Variants in AFG2B observed in about 807,000 individuals in gnomAD.
AFG2B encodes AAA ATPase AFG2B, also known as ATPase family gene 2 protein homolog B.
chr15:45,402,387 G>A, the AFG2B span: 2 of 1,555,514 alleles, frequency 1.3e-6, no homozygotes, highest in Non-Finnish European at 1.7e-6. Flanking sequence ...GGGCCGGGTG[G>A]GTTTCCTAAT....
At chr15:45,403,039 G>C in the AFG2B span, 1 of 1,569,320 alleles carries the variant, frequency 6.4e-7, no homozygotes, top group African/African-American at 1.4e-5. Flanking sequence ...GCCCCTGGGA[G>C]GTCTTTCGGA....
At chr15:45,410,766 TA>T in the AFG2B span, among the ~76,000 whole-genome samples, 1 of 152,310 alleles carries the variant, frequency 6.6e-6, no homozygotes, top group Non-Finnish European at 1.5e-5. Flanking sequence ...AAAGAGTTTA[TA>T]ACCTAAGGCT....
At chr15:45,410,207 G>C in the AFG2B span, among the ~76,000 whole-genome samples, 1 of 152,196 alleles carries the variant, frequency 6.6e-6, no homozygotes, top group South Asian at 2.1e-4. Flanking sequence ...GCAGGAATTG[G>C]CAGGGAGACA....
the AFG2B span, chr15:45,410,425 T>TA: frequency 1.9e-6 from 3 of 1,613,850 alleles, no homozygotes; most frequent in African/African-American, 2.7e-5. Context: ...CTTTTAAAAA[T>TA]ATTCAGCCCT....
chr15:45,412,215 A>G, the AFG2B span, among the ~76,000 whole-genome samples: 1 of 151,560 alleles, frequency 6.6e-6, no homozygotes, highest in East Asian at 1.9e-4. Flanking sequence ...AGCCTGGCCA[A>G]CATGGTGAAA....
chr15:45,410,887 C>T, the AFG2B span, among the ~76,000 whole-genome samples: 19 of 151,626 alleles, frequency 1.3e-4, no homozygotes, highest in Admixed American at 1.2e-3. Flanking sequence ...AAGCCCTTGT[C>T]GCTATTTAAA....
chr15:45,402,631 G>T, the AFG2B span: 1 of 1,577,924 alleles, frequency 6.3e-7, no homozygotes. Context: ...GCGGGACGGA[G>T]CGGACGGCTT....
the AFG2B span, among the ~76,000 whole-genome samples, chr15:45,411,137 G>A: frequency 6.6e-6 from 1 of 152,156 alleles, no homozygotes; most frequent in Admixed American, 6.5e-5. Flanking sequence ...GGGAGGCAGA[G>A]GTTGCAGTGA....
At chr15:45,406,161 A>C in the AFG2B span, among the ~76,000 whole-genome samples, 5 of 152,318 alleles carry the variant, frequency 3.3e-5, no homozygotes, top group Middle Eastern at 3.4e-3. Context: ...GCTTTCTTCT[A>C]TGAAAACATA....
chr15:45,403,103 C>T, the AFG2B span: 89 of 1,520,100 alleles, frequency 5.9e-5, no homozygotes, highest in African/African-American at 1.2e-3. Context: ...TACCCGCGCG[C>T]CCTGACCGCG....
chr15:45,403,296 C>T, the AFG2B span: 1 of 1,590,850 alleles, frequency 6.3e-7, no homozygotes, highest in Non-Finnish European at 8.5e-7. Flanking sequence ...TCCAGCGCGC[C>T]CGGGAACTGG....
the AFG2B span, chr15:45,416,725 T>C: frequency 6.6e-6 from 1 of 152,292 alleles, no homozygotes; most frequent in Non-Finnish European, 1.5e-5. Flanking sequence ...CAACAAATGA[T>C]TTTGAATGCT....
chr15:45,414,541 A>G, the AFG2B span: 477,175 of 1,596,612 alleles, frequency 0.3, 82,659 homozygotes, highest in East Asian at 0.84. Flanking sequence ...ATTATACTAA[A>G]ACAACTCTTC....
At chr15:45,410,541 TA>T in the AFG2B span, 1 of 1,593,750 alleles carries the variant, frequency 6.3e-7, no homozygotes, top group Non-Finnish European at 8.6e-7. Context: ...GTAAGACAGA[TA>T]ATCTACTTAA....
At chr15:45,402,536 T>G in the AFG2B span, 1 of 1,597,474 alleles carries the variant, frequency 6.3e-7, no homozygotes, top group South Asian at 1.1e-5. Context: ...CCGGCCGCCC[T>G]CCACGCCCTG....
the AFG2B span, chr15:45,403,202 C>T: frequency 6.8e-7 from 1 of 1,471,724 alleles, no homozygotes; most frequent in Non-Finnish European, 8.9e-7. Flanking sequence ...GCGCGCGAGG[C>T]GGGCGCGGAG....
At chr15:45,415,184 T>C in the AFG2B span, among the ~76,000 whole-genome samples, 1 of 152,172 alleles carries the variant, frequency 6.6e-6, no homozygotes, top group Non-Finnish European at 1.5e-5. Flanking sequence ...TCAGAATCTT[T>C]TTTATATCTA....
chr15:45,405,293 CT>C, the AFG2B span: 9 of 1,575,798 alleles, frequency 5.7e-6, no homozygotes, highest in South Asian at 1.1e-5. Flanking sequence ...ACTTCTTCTT[CT>C]TTTTTTTGTT....
chr15:45,416,019 T>G, the AFG2B span: 8 of 333,630 alleles, frequency 2.4e-5, no homozygotes, highest in Admixed American at 8.9e-5. Context: ...AATATAAGAA[T>G]GTGAATTTTA....
Sources: gnomAD v4.1 joint callset for allele counts (sites outside exome capture counted in the v4.1 genomes callset) on GRCh38, gnomAD v4.1.1 for gene constraint, MANE v1.5 for transcripts, NCBI Gene and HGNC (gene_info 2026-07-23, HGNC 2026-07-21) for gene names.